ADCY9: variants seen among roughly 807,000 people sequenced by gnomAD.
ADCY9 encodes adenylate cyclase 9, also known as adenylate cyclase type 9.
A neutral mutation model predicts 101.5 loss-of-function variants in ADCY9; 50 were observed. The observed-to-expected ratio is 0.49, with a 90% CI of 0.39 to 0.62. The LOEUF is 0.62. ADCY9 is among the 20% of genes least tolerant of loss of function. The probability of loss-of-function intolerance (pLI) is 0.00; values close to 1 mark genes in which losing one functional copy is unlikely to be tolerated. For synonymous variants in ADCY9, 905 were observed against 769.3 expected (o/e 1.18, Z -2.92); for missense variants, 1,662 against 1,800.4 (o/e 0.92, Z 1.39).
chr16:3,987,853 T>A (rs1326526433), intron 6 of ADCY9, among the ~76,000 whole-genome samples: 1 of 151,770 alleles, frequency 6.6e-6, no homozygotes, highest in Non-Finnish European at 1.5e-5. Context: ...CACTCAGAGG[T>A]TAGGTTTGGG....
intron 2 of ADCY9, among the ~76,000 whole-genome samples, chr16:4,081,431 G>A (rs1294020467): frequency 6.6e-6 from 1 of 152,250 alleles, no homozygotes; most frequent in African/African-American, 2.4e-5. Context: ...GCTTTGCAGA[G>A]CTCCAGATGT....
intron 2 of ADCY9, among the ~76,000 whole-genome samples, chr16:4,016,307 G>A (rs1259448512): frequency 6.6e-6 from 1 of 152,216 alleles, no homozygotes; most frequent in Non-Finnish European, 1.5e-5. Flanking sequence ...TTTAAATAAT[G>A]GGAAGAGGCT....
intron 3 of ADCY9, among the ~76,000 whole-genome samples, chr16:4,005,010 C>T (rs1334302804): frequency 1.3e-5 from 2 of 152,022 alleles, no homozygotes; most frequent in Non-Finnish European, 2.9e-5. Context: ...GAGCATTCCC[C>T]CAAAAGGTGT....
chr16:3,977,928 G>C (rs938989896), intron 8 of ADCY9, among the ~76,000 whole-genome samples: 1 of 152,102 alleles, frequency 6.6e-6, no homozygotes, highest in African/African-American at 2.4e-5. Flanking sequence ...TGTTGGCCAG[G>C]CTGGTCTCGA....
At chr16:4,053,843 G>A (rs755085629) in intron 2 of ADCY9, among the ~76,000 whole-genome samples, 3 of 152,064 alleles carry the variant, frequency 2.0e-5, no homozygotes, top group Non-Finnish European at 4.4e-5. Flanking sequence ...ATAAAACACA[G>A]CATTTTAGAA....
At chr16:4,044,488 C>T (rs7193439) in intron 2 of ADCY9, among the ~76,000 whole-genome samples, 2 of 152,048 alleles carry the variant, frequency 1.3e-5, no homozygotes, top group African/African-American at 4.8e-5. Flanking sequence ...CAAAAAAAGG[C>T]TTCCCATATA....
intron 2 of ADCY9, among the ~76,000 whole-genome samples, chr16:4,102,028 AGT>A (rs1448507600): frequency 6.6e-6 from 1 of 152,166 alleles, no homozygotes; most frequent in East Asian, 1.9e-4. Flanking sequence ...CACAGTCCCT[AGT>A]GTGTTCTAGG....
chr16:4,026,258 CTACTAAAAA>C (rs919175555), intron 2 of ADCY9, among the ~76,000 whole-genome samples: 1 of 151,920 alleles, frequency 6.6e-6, no homozygotes, highest in Non-Finnish European at 1.5e-5. Flanking sequence ...AACCCTGTCT[CTACTAAAAA>C]TACAAAAATT....
intron 2 of ADCY9, among the ~76,000 whole-genome samples, chr16:4,105,157 C>G (rs1169749596): frequency 1.3e-5 from 2 of 152,050 alleles, no homozygotes; most frequent in Non-Finnish European, 2.9e-5. Context: ...CCCTTCTCAT[C>G]AAATTTTTTC....
At chr16:4,018,951 T>TTGTGTGTGTGTGTGTGTG (rs58093859) in intron 2 of ADCY9, among the ~76,000 whole-genome samples, 7,728 of 138,832 alleles carry the variant, frequency 0.056, 278 homozygotes, top group East Asian at 0.11. Flanking sequence ...AGAATCGCAG[T>TTGTGTGTGTGTGTGTGTG]TGTGTGTGTG....
At chr16:3,987,470 G>A (rs28418410) in intron 6 of ADCY9, among the ~76,000 whole-genome samples, 3,321 of 152,312 alleles carry the variant, frequency 0.022, 106 homozygotes, top group African/African-American at 0.076. Flanking sequence ...CACCTGTTCA[G>A]CCTTGCTCAG....
At chr16:4,100,940 C>G (rs1003397078) in intron 2 of ADCY9, among the ~76,000 whole-genome samples, 1 of 152,096 alleles carries the variant, frequency 6.6e-6, no homozygotes, top group African/African-American at 2.4e-5. Context: ...AGACAGGTAT[C>G]GTTGTTTTGG....
intron 3 of ADCY9, among the ~76,000 whole-genome samples, chr16:3,995,214 G>A (rs751040598): frequency 3.9e-5 from 6 of 152,158 alleles, no homozygotes; most frequent in Non-Finnish European, 8.8e-5. Flanking sequence ...GATGGCTTGA[G>A]TCCAGGAATT....
At chr16:3,996,860 T>C (rs1251436843) in intron 3 of ADCY9, among the ~76,000 whole-genome samples, 8 of 152,088 alleles carry the variant, frequency 5.3e-5, no homozygotes, top group Non-Finnish European at 8.8e-5. Context: ...CTTTTCTCTC[T>C]TTTTTTGTTT....
At chr16:4,082,475 C>T (rs565694292) in intron 2 of ADCY9, among the ~76,000 whole-genome samples, 4 of 152,308 alleles carry the variant, frequency 2.6e-5, no homozygotes, top group Admixed American at 6.5e-5. Context: ...ATGTCCTCCC[C>T]GTTCCCACAC....
intron 10 of ADCY9, 49 bp from the exon 11 acceptor site, chr16:3,967,015 C>T: frequency 1.3e-6 from 2 of 1,514,612 alleles, no homozygotes; most frequent in Non-Finnish European, 1.8e-6. Context: ...TCGGCGCTTC[C>T]AAGCTCAGAA....
chr16:4,061,237 A>G (rs886755299), intron 2 of ADCY9, among the ~76,000 whole-genome samples: 7 of 152,114 alleles, frequency 4.6e-5, no homozygotes, highest in Admixed American at 2.6e-4. Context: ...GCATGCCAAC[A>G]TATATATAAA....
rs992689443 is a variant in ADCY9, at chr16:3,988,993, C to T, written c.2310+1G>A. On this transcript the variant is annotated splice_donor_variant, in intron 6 of 10. Transcript: ENST00000294016. LOFTEE classifies it high-confidence loss of function. Reference sequence around the variant, plus strand: ...AAAAGCGCAAGGAGAAATGAACGCACCTCTTCCTGATAGCTGGTCCTGTAG... The same window carrying T: ...AAAAGCGCAAGGAGAAATGAACGCATCTCTTCCTGATAGCTGGTCCTGTAG... The T allele has an allele frequency of 1.2e-6, 2 of 1,610,338 alleles. No individual in the cohort carries two copies. The highest frequency in any genetic ancestry group is 1.1e-5 in the South Asian group (1 of 91,006).
intron 2 of ADCY9, among the ~76,000 whole-genome samples, chr16:4,065,758 G>A (rs529811548): frequency 3.4e-4 from 52 of 152,190 alleles, no homozygotes; most frequent in Non-Finnish European, 6.6e-4. Context: ...TAGTAGAGGC[G>A]GGGTTTCGCC....
Sources: allele counts gnomAD v4.1 joint callset (sites outside exome capture counted in the v4.1 genomes callset), GRCh38; gene constraint gnomAD v4.1.1; transcripts MANE v1.5; gene names NCBI Gene and HGNC (gene_info 2026-07-23, HGNC 2026-07-21).